Variants in SNX7 observed in about 807,000 individuals in gnomAD.
SNX7 encodes sorting nexin-7.
Under a neutral mutation model 48.4 loss-of-function variants are expected in SNX7, and 35 were observed. The observed-to-expected ratio is 0.72, with a 90% CI of 0.55 to 0.96. The LOEUF is 0.96. Among genes scored for constraint, SNX7 ranks in the 40% least tolerant of loss-of-function variants. The probability of loss-of-function intolerance (pLI) is 0.00; values close to 1 mark genes in which losing one functional copy is unlikely to be tolerated. For synonymous variants in SNX7, 190 were observed against 190.2 expected (o/e 1.00, Z 0.01); for missense variants, 553 against 548.9 (o/e 1.01, Z -0.07).
At chr1:98,734,480 A>G (rs1371700430) in intron 7 of SNX7, among the ~76,000 whole-genome samples, 1 of 152,152 alleles carries the variant, frequency 6.6e-6, no homozygotes, top group Non-Finnish European at 1.5e-5. Context: ...CTAATATGCC[A>G]CAAATAGCTA....
intron 8 of SNX7, among the ~76,000 whole-genome samples, chr1:98,740,348 G>T (rs1421368674): frequency 7.2e-5 from 11 of 151,998 alleles, no homozygotes. Flanking sequence ...TTACAGAATT[G>T]TTAAGAAAGT....
In SNX7 at chr1:98,728,259, A is replaced by G. The variant is rs529478172; in HGVS notation, c.1126-9978A>G. Among the ~76,000 whole-genome samples, 5 of 152,310 alleles carry G rather than the reference A, an allele frequency of 3.3e-5. No individual in the cohort carries two copies. In the South Asian group the frequency reaches 6.2e-4, roughly 19 times the overall value. On this transcript the variant is annotated intron_variant, in intron 7 of 8. Transcript: ENST00000306121. ...ACATTCTTAAAGAAAATAATTTCCAACCCAGAATCTCATATCTGGCCAAAC... is the reference window on the plus strand; with the variant it reads ...ACATTCTTAAAGAAAATAATTTCCAGCCCAGAATCTCATATCTGGCCAAAC...
intron 7 of SNX7, among the ~76,000 whole-genome samples, chr1:98,710,739 C>T (rs558394144): frequency 6.6e-6 from 1 of 152,266 alleles, no homozygotes; most frequent in South Asian, 2.1e-4. Flanking sequence ...TGCCTGGGCA[C>T]TTAATAAATA....
chr1:98,722,339 AT>A (rs1479962302), intron 7 of SNX7, among the ~76,000 whole-genome samples: 1 of 152,152 alleles, frequency 6.6e-6, no homozygotes, highest in Non-Finnish European at 1.5e-5. Context: ...GCATTGTATA[AT>A]CAAGCATCTA....
chr1:98,694,878 A>G (rs1651366678), intron 4 of SNX7, among the ~76,000 whole-genome samples: 1 of 151,848 alleles, frequency 6.6e-6, no homozygotes, highest in Admixed American at 6.6e-5. Context: ...AAGTACTGGG[A>G]TTACGGACGT....
chr1:98,666,680 A>C (rs1043628099), intron 1 of SNX7, among the ~76,000 whole-genome samples: 1 of 152,046 alleles, frequency 6.6e-6, no homozygotes, highest in African/African-American at 2.4e-5. Context: ...CTACGGAGAG[A>C]TGGTATAAGT....
chr1:98,673,106 G>C (rs1649971720), intron 1 of SNX7, among the ~76,000 whole-genome samples: 1 of 152,116 alleles, frequency 6.6e-6, no homozygotes, highest in Non-Finnish European at 1.5e-5. Context: ...GGGATTTTCA[G>C]GTGTAACATT....
At position 98,707,116 on chromosome 1, in the gene SNX7, A is replaced by C. The variant is rs539728537; in HGVS notation, c.1125+5213A>C. Among the ~76,000 whole-genome samples the C allele has an allele frequency of 2.0e-5, 3 of 152,320 alleles. No individual in the cohort carries two copies. The South Asian group carries it at 6.2e-4, about 32-fold the overall frequency. On this transcript the variant is annotated intron_variant, in intron 7 of 8. Coordinates refer to ENST00000306121, the MANE Select transcript of SNX7 (RefSeq NM_015976.5). ...CCTGTCAGAGCCTTGGCATATTTCA[A>C]CATTAAGAGATTAATGATAATGGAA...
At chr1:98,689,651 T>A (rs953749170) in intron 2 of SNX7, among the ~76,000 whole-genome samples, 6 of 152,184 alleles carry the variant, frequency 3.9e-5, no homozygotes, top group Non-Finnish European at 8.8e-5. Context: ...TTTATATTCT[T>A]AGAAATTGGT....
At chr1:98,702,007 G>T in intron 7 of SNX7, 104 bp downstream of exon 7, 6 of 801,090 alleles carry the variant, frequency 7.5e-6, no homozygotes, top group Non-Finnish European at 1.2e-5. Flanking sequence ...TTTCTTATAT[G>T]ATTGTTTCTA....
chr1:98,722,022 G>A (rs757232652), intron 7 of SNX7, among the ~76,000 whole-genome samples: 2 of 152,014 alleles, frequency 1.3e-5, no homozygotes, highest in Non-Finnish European at 2.9e-5. Context: ...GTTCTAAAAT[G>A]TGGCCCTTTA....
rs932153040 is a variant in SNX7 at position 98,707,877 on chromosome 1, A to G, written c.1125+5974A>G. Reference sequence around the variant, plus strand: ...CAAGCTGGTCCTTATTCAGTATGACATGCTATTTTTGGCTGGTGTTTTACT... The same window carrying G: ...CAAGCTGGTCCTTATTCAGTATGACGTGCTATTTTTGGCTGGTGTTTTACT... On this transcript the variant is annotated intron_variant, in intron 7 of 8. Transcript: ENST00000306121. 7.9e-5 allele frequency among the ~76,000 whole-genome samples: 12 copies of G among 152,318 alleles called. No homozygotes were observed. The East Asian group carries it at 1.4e-3, about 17-fold the overall frequency.
At position 98,698,567 on chromosome 1, in the gene SNX7, T is replaced by A. The variant is rs902113773; in HGVS notation, c.839-139T>A. The A allele has an allele frequency of 3.0e-5, 22 of 743,320 alleles. No homozygotes were observed. The African/African-American group carries it at 3.0e-4, about 10-fold the overall frequency. 46.0% of individuals were successfully genotyped at this position (743,320 alleles called of 1,614,324 possible). A position where few individuals can be genotyped will look rare whatever the true frequency, so the allele number is the denominator to read the frequency against. On this transcript the variant is annotated intron_variant, in intron 5 of 8. Transcript: ENST00000306121. The stretch of plus-strand genomic sequence containing the variant: ...GATGGCTGGTTGATTTAATGAAGGA[T>A]GATATCCGTTTTCTTATGTTCTTGT...
At chr1:98,698,480 G>A (rs1651573029) in intron 5 of SNX7, among the ~76,000 whole-genome samples, 1 of 152,088 alleles carries the variant, frequency 6.6e-6, no homozygotes, top group South Asian at 2.1e-4. Flanking sequence ...CACTGAAAAG[G>A]TATGTTATTA....
In SNX7 at chr1:98,712,276, A is replaced by G. The variant is rs543571305; in HGVS notation, c.1125+10373A>G. Among the ~76,000 whole-genome samples the G allele has an allele frequency of 2.8e-4, 42 of 152,260 alleles. 1 individual carries two copies. The highest frequency in any genetic ancestry group is 4.9e-4 in the Non-Finnish European group (33 of 68,024). The stretch of plus-strand genomic sequence containing the variant: ...GTGTATTCTTTCCAGAAGATTTTCA[A>G]TTTACTCAGTTCCATCAAGGGAATC... On this transcript the variant is annotated intron_variant, in intron 7 of 8. Transcript: ENST00000306121.
rs545841682 is a variant in SNX7 at position 98,691,283 on chromosome 1, G to C, written c.474+98G>C. The C allele has an allele frequency of 2.1e-4, 139 of 647,328 alleles. 1 individual carries two copies. The South Asian group carries it at 3.5e-3, about 16-fold the overall frequency. The allele number at this position is 647,328 out of a possible 1,614,324, so 40.1% of individuals were successfully genotyped here. On this transcript the variant is annotated intron_variant, in intron 3 of 8. Transcript: ENST00000306121. Reference sequence around the variant, plus strand: ...CCTAATTTCAGACCTTAAGTTCACTGTAATTCATTTATCTTAGGAATAATA... The same window carrying C: ...CCTAATTTCAGACCTTAAGTTCACTCTAATTCATTTATCTTAGGAATAATA...
intron 1 of SNX7, among the ~76,000 whole-genome samples, chr1:98,678,007 G>A (rs1468834700): frequency 6.6e-6 from 1 of 151,938 alleles, no homozygotes; most frequent in Non-Finnish European, 1.5e-5. Context: ...GTGTGTGTGT[G>A]TGTGTGTGTG....
chr1:98,698,960 A>C, intron 6 of SNX7, 55 bp downstream of exon 6: 4 of 1,532,180 alleles, frequency 2.6e-6, no homozygotes, highest in Non-Finnish European at 3.6e-6. Flanking sequence ...TATAAGCTCC[A>C]TAAAGGCAAC....
chr1:98,756,602 G>A (rs1306639344), intron 8 of SNX7, among the ~76,000 whole-genome samples: 1 of 151,344 alleles, frequency 6.6e-6, no homozygotes, highest in South Asian at 2.1e-4. Flanking sequence ...CCCTGTCTCT[G>A]GTAGTCTTCT....
Sources: allele counts gnomAD v4.1 joint callset (sites outside exome capture counted in the v4.1 genomes callset), GRCh38; gene constraint gnomAD v4.1.1; transcripts MANE v1.5; gene names NCBI Gene and HGNC (gene_info 2026-07-23, HGNC 2026-07-21).